The following SPATA24 variants were observed in gnomAD, a reference collection of about 807,000 sequenced individuals.
The protein encoded by SPATA24 is spermatogenesis associated 24.
A neutral mutation model predicts 28.9 loss-of-function variants in SPATA24; 21 were observed. That is an observed-to-expected ratio of 0.73 (90% CI 0.52 to 1.05). SPATA24 has a LOEUF of 1.05. Among genes scored for constraint, SPATA24 ranks in the 50% least tolerant of loss-of-function variants. The pLI, the probability that SPATA24 is intolerant of heterozygous loss-of-function variation, is 0.00. For synonymous variants in SPATA24, 76 were observed against 89.9 expected, an observed-to-expected ratio of 0.85 and a Z score of 0.88; for missense variants, 215 against 242.9, an observed-to-expected ratio of 0.88 and a Z score of 0.76.
chr5:139,393,344 G>A, downstream of SPATA24: 2 of 1,551,280 alleles, frequency 1.3e-6, no homozygotes, highest in Non-Finnish European at 1.7e-6. Context: ...TCTGGGGACT[G>A]CTGACTCCCT....
chr5:139,393,788 C>T (rs960531342), downstream of SPATA24: 54 of 1,551,432 alleles, frequency 3.5e-5, no homozygotes, highest in East Asian at 1.3e-3. Flanking sequence ...GAGGAGGCTT[C>T]AGGGAACAAT....
At chr5:139,394,473 C>T, downstream of SPATA24, 1 of 1,422,934 alleles carries the variant, frequency 7.0e-7, no homozygotes, top group Non-Finnish European at 9.1e-7. Flanking sequence ...TGGGCACTGT[C>T]CGGGGCCTGG....
chr5:139,395,159 G>C, downstream of SPATA24: 1 of 1,326,600 alleles, frequency 7.5e-7, no homozygotes, highest in South Asian at 1.8e-5. Flanking sequence ...CGCCCCGCCC[G>C]AGGATGCCGT....
chr5:139,393,426 G>A, downstream of SPATA24: 3 of 1,551,662 alleles, frequency 1.9e-6, no homozygotes, highest in Non-Finnish European at 2.6e-6. Flanking sequence ...TGCCGGGTGC[G>A]GACGGTGTAG....
chr5:139,393,753 G>C, downstream of SPATA24: 1 of 1,551,354 alleles, frequency 6.4e-7, no homozygotes, highest in Non-Finnish European at 8.7e-7. Context: ...TTTCCTCGAC[G>C]GCAGGATTTT....
downstream of SPATA24, chr5:139,392,636 G>C (rs1758617890): frequency 7.2e-7 from 1 of 1,389,224 alleles, no homozygotes; most frequent in Non-Finnish European, 9.3e-7. The surrounding 1 kb of genome is among the most constrained non-coding windows in gnomAD (Gnocchi z 5.8). Context: ...TTCGGTTTGG[G>C]TGCTATCCCA....
In SPATA24 at chr5:139,396,828, C is replaced by A; in HGVS notation, c.590G>T (p.Arg197Leu). ...TTTTTCCCTGGGATGCTGGTGGCTG[C>A]GGGCCTGACGTGTCCCTGAGGCTTT... ...HKKASGTRQARSHQHPREK is the reference protein window; with the variant it reads ...HKKASGTRQALSHQHPREK Residue 197 changes from arginine (R) to leucine (L), a missense_variant, in exon 6 of 6, where the codon CGC becomes CTC. Coordinates refer to ENST00000450845, the MANE Select transcript of SPATA24 (RefSeq NM_194296.2). 1 of 1,551,702 alleles carries A rather than the reference C, an allele frequency of 6.4e-7. No individual in the cohort carries two copies. Among genetic ancestry groups the A allele is most frequent in the Non-Finnish European group, 8.7e-7 (1 of 1,146,986 alleles).
rs1758832981 is a variant in SPATA24 at position 139,401,930 on chromosome 5, A to G, written c.299T>C (p.Leu100Pro). The G allele has an allele frequency of 6.4e-7, 1 of 1,551,710 alleles. No individual in the cohort carries two copies. The highest frequency in any genetic ancestry group is 8.7e-7 in the Non-Finnish European group (1 of 1,147,022). Reference protein sequence around the residue: ...VLSKQLEKEKLAFEKALSSVK... With the variant: ...VLSKQLEKEKPAFEKALSSVK... ...GCCCACTCACGCTTTTTCAAAGGCC[A>G]GCTTCTCTTTCTCCAGCTGCTTGGA... Residue 100 changes from leucine (L) to proline (P), a missense_variant, in exon 3 of 6, where the codon CTG becomes CCG. Transcript: ENST00000450845.
chr5:139,392,909 C>A, downstream of SPATA24: 1 of 1,537,456 alleles, frequency 6.5e-7, no homozygotes, highest in South Asian at 1.2e-5. The surrounding 1 kb of genome is among the most constrained non-coding windows in gnomAD (Gnocchi z 5.8). Flanking sequence ...AAGGGCTTCG[C>A]CGTGCTGTTC....
At chr5:139,396,445 T>C (rs886780208), downstream of SPATA24, 11 of 1,123,690 alleles carry the variant, frequency 9.8e-6, no homozygotes, top group African/African-American at 1.6e-4. Context: ...GGAAACTGAC[T>C]TCCCAAATTC....
downstream of SPATA24, chr5:139,393,439 G>C: frequency 6.4e-7 from 1 of 1,551,656 alleles, no homozygotes; most frequent in South Asian, 1.2e-5. Context: ...CGGTGTAGGC[G>C]GTGCCAACTC....
downstream of SPATA24, chr5:139,393,011 C>T (rs988336858): frequency 4.7e-5 from 72 of 1,521,256 alleles, no homozygotes; most frequent in Non-Finnish European, 6.2e-5. Context: ...GGGTGCGGCA[C>T]CACCGGTAGA....
At position 139,401,760 on chromosome 5, in the gene SPATA24, C is replaced by T; in HGVS notation, c.380G>A (p.Cys127Tyr). 1.3e-6 allele frequency: 2 copies of T among 1,551,670 alleles called. No homozygotes were observed. Among genetic ancestry groups the T allele is most frequent in the Non-Finnish European group, 1.7e-6 (2 of 1,147,004 alleles). ...SSKKDQLITK[C>Y]NEIESHIIKQ... Reference sequence around the variant, plus strand: ...AGCACGGGCCTCCCGCCTACCATTGCACTTGGTGATGAGCTGGTCCTTCTT... The same window carrying T: ...AGCACGGGCCTCCCGCCTACCATTGTACTTGGTGATGAGCTGGTCCTTCTT... Residue 127 changes from cysteine to tyrosine, a missense_variant, in exon 4 of 6, where the codon TGC becomes TAC. Transcript: ENST00000450845.
downstream of SPATA24, among the ~76,000 whole-genome samples, chr5:139,395,893 G>A (rs1343702938): frequency 1.3e-5 from 2 of 152,206 alleles, no homozygotes; most frequent in Non-Finnish European, 2.9e-5. Flanking sequence ...AAAGGCCCCT[G>A]CGGCCAGAAC....
intron 1 of SPATA24, among the ~76,000 whole-genome samples, chr5:139,403,400 G>A (rs1758863820): frequency 1.3e-5 from 2 of 152,290 alleles, no homozygotes; most frequent in East Asian, 1.9e-4. Flanking sequence ...ACTCCAGATG[G>A]CCAGGATTCT....
At chr5:139,392,895 CT>C, downstream of SPATA24, 3 of 1,543,944 alleles carry the variant, frequency 1.9e-6, no homozygotes, top group South Asian at 3.6e-5. This position sits in a 1 kb window ranked among gnomAD's most constrained non-coding sequence, Gnocchi z 5.8. Context: ...TCTCTGTGCG[CT>C]TGAAGGGCTT....
At chr5:139,397,295 A>G (rs1197259252) in intron 4 of SPATA24, among the ~76,000 whole-genome samples, 152 bp from the exon 5 acceptor site, 1 of 152,110 alleles carries the variant, frequency 6.6e-6, no homozygotes, top group Non-Finnish European at 1.5e-5. Flanking sequence ...GAATGAGTTT[A>G]TTATGCAGTC....
intron 4 of SPATA24, 83 bp downstream of exon 4, chr5:139,401,672 C>G: frequency 1.4e-6 from 2 of 1,432,332 alleles, no homozygotes; most frequent in Non-Finnish European, 1.9e-6. Context: ...TAGAGTGAAA[C>G]CCTGCCTTTG....
chr5:139,392,614 G>C (rs1290194625), downstream of SPATA24: 1 of 1,378,260 alleles, frequency 7.3e-7, no homozygotes, highest in Admixed American at 3.9e-5. The surrounding 1 kb of genome is among the most constrained non-coding windows in gnomAD (Gnocchi z 5.8). Flanking sequence ...CTCGGGGGCC[G>C]TAGGTGGTGT....
Sources: gnomAD v4.1 joint callset for allele counts (sites outside exome capture counted in the v4.1 genomes callset) on GRCh38, gnomAD v4.1.1 for gene constraint, Gnocchi (gnomAD v3.1) non-coding constraint, MANE v1.5 for transcripts, NCBI Gene and HGNC (gene_info 2026-07-23, HGNC 2026-07-21) for gene names.